EIF4G3: variants seen among roughly 807,000 people sequenced by gnomAD.
The protein encoded by EIF4G3 is eukaryotic translation initiation factor 4 gamma 3.
Under a neutral mutation model 186.4 loss-of-function variants are expected in EIF4G3, and 34 were observed. The ratio of observed to expected loss-of-function variants is 0.18; its 90% CI spans 0.14 to 0.24. The LOEUF (loss-of-function observed/expected upper bound fraction) is 0.24, where lower values mean the gene tolerates loss of function less well. Among genes scored for constraint, EIF4G3 ranks in the 10% least tolerant of loss-of-function variants. The pLI is 1.00. For missense variants in EIF4G3, 1,536 were observed against 1,948.5 expected (o/e 0.79, Z 3.99); for synonymous variants, 673 against 679.5 (o/e 0.99, Z 0.15).
intron 20 of EIF4G3, among the ~76,000 whole-genome samples, chr1:20,875,524 A>G (rs1467537454): frequency 6.6e-6 from 1 of 152,242 alleles, no homozygotes; most frequent in Non-Finnish European, 1.5e-5. Flanking sequence ...TACATCATTA[A>G]ATTTGGCAAA....
chr1:20,886,781 AT>A (rs2084307193), intron 18 of EIF4G3, among the ~76,000 whole-genome samples: 1 of 152,156 alleles, frequency 6.6e-6, no homozygotes, highest in African/African-American at 2.4e-5. Flanking sequence ...TAAAATGCAA[AT>A]TTAATATCAT....
intron 19 of EIF4G3, among the ~76,000 whole-genome samples, chr1:20,885,726 C>T (rs1208463879): frequency 1.3e-5 from 2 of 152,144 alleles, no homozygotes; most frequent in African/African-American, 4.8e-5. Context: ...AATTTATCCT[C>T]ATAGTTCTGA....
intron 2 of EIF4G3, among the ~76,000 whole-genome samples, chr1:21,105,784 T>C (rs1453357147): frequency 6.6e-6 from 1 of 152,054 alleles, no homozygotes; most frequent in Non-Finnish European, 1.5e-5. Flanking sequence ...TAAGAGTGGT[T>C]GGGCACAGAG....
intron 2 of EIF4G3, among the ~76,000 whole-genome samples, chr1:21,164,103 C>T (rs921222520): frequency 1.3e-5 from 2 of 152,076 alleles, no homozygotes; most frequent in Non-Finnish European, 2.9e-5. Flanking sequence ...ATAACATATA[C>T]ATTAGAATAG....
In EIF4G3 at chr1:21,176,225, G is replaced by C. The variant is rs1366450568; in HGVS notation, c.-322C>G. 1 of 415,010 alleles carries C rather than the reference G, an allele frequency of 2.4e-6. No homozygotes were observed. The highest frequency in any genetic ancestry group is 4.2e-6 in the Non-Finnish European group (1 of 240,238). The allele number at this position is 415,010 out of a possible 1,614,324, so 25.7% of individuals were successfully genotyped here. On this transcript the variant is annotated 5_prime_UTR_variant, in exon 2 of 37. Transcript: ENST00000602326. ...CCCTGATGTTCGGGTGAGGAGGGGG[G>C]ACCGCTGCCGCCGCCGCCGCCGCCG...
chr1:21,068,412 A>T (rs1045221956), intron 3 of EIF4G3, among the ~76,000 whole-genome samples: 2 of 149,974 alleles, frequency 1.3e-5, no homozygotes, highest in Non-Finnish European at 3.0e-5. Context: ...AGAATACTTC[A>T]CATGAACTTG....
chr1:21,154,318 TA>T (rs1271395340), intron 2 of EIF4G3, among the ~76,000 whole-genome samples: 2 of 152,206 alleles, frequency 1.3e-5, no homozygotes, highest in African/African-American at 4.8e-5. Flanking sequence ...GTATTTTTTT[TA>T]ATCACAAAAT....
intron 3 of EIF4G3, among the ~76,000 whole-genome samples, chr1:21,057,166 C>G (rs987011773): frequency 5.3e-5 from 8 of 152,084 alleles, no homozygotes; most frequent in Admixed American, 3.9e-4. Flanking sequence ...CCTAGGTATA[C>G]CTCTGGTTGA....
intron 24 of EIF4G3, among the ~76,000 whole-genome samples, chr1:20,857,752 G>T (rs1308516281): frequency 6.6e-6 from 1 of 152,170 alleles, no homozygotes; most frequent in African/African-American, 2.4e-5. Flanking sequence ...ACAAACAACT[G>T]ACACAAATGA....
intron 2 of EIF4G3, among the ~76,000 whole-genome samples, chr1:21,141,008 AATTAT>A (rs1317631863): frequency 3.3e-5 from 5 of 152,184 alleles, no homozygotes; most frequent in Admixed American, 1.3e-4. Context: ...TAAATGAGAA[AATTAT>A]ATTATAATCA....
intron 17 of EIF4G3, among the ~76,000 whole-genome samples, chr1:20,894,527 T>C (rs2087249777): frequency 6.6e-6 from 1 of 152,244 alleles, no homozygotes; most frequent in Non-Finnish European, 1.5e-5. Context: ...CTAACCCATT[T>C]ATGCCGGAGG....
intron 2 of EIF4G3, among the ~76,000 whole-genome samples, chr1:21,100,618 C>T (rs557480138): frequency 3.1e-4 from 47 of 152,108 alleles, no homozygotes; most frequent in Non-Finnish European, 5.9e-4. Flanking sequence ...GTCCCAACTA[C>T]TCAGGAGTCT....
At chr1:20,906,487 C>T (rs1044930904) in intron 14 of EIF4G3, among the ~76,000 whole-genome samples, 11 of 152,062 alleles carry the variant, frequency 7.2e-5, no homozygotes, top group African/African-American at 2.4e-4. Context: ...AGAGGAAGAA[C>T]AATTTTTTGG....
chr1:20,904,057 T>C (rs2091330261), intron 15 of EIF4G3, among the ~76,000 whole-genome samples: 1 of 152,232 alleles, frequency 6.6e-6, no homozygotes, highest in Non-Finnish European at 1.5e-5. Context: ...TTGTCCTTTT[T>C]CTTCCTCACA....
chr1:21,048,417 A>G (rs1012293030), intron 4 of EIF4G3, among the ~76,000 whole-genome samples: 9 of 152,150 alleles, frequency 5.9e-5, no homozygotes, highest in African/African-American at 2.2e-4. Context: ...TTGTCAGTAG[A>G]AGGCTCTAGA....
intron 11 of EIF4G3, 147 bp from the exon 12 acceptor site, chr1:20,969,743 G>T: frequency 1.5e-6 from 1 of 687,844 alleles, no homozygotes; most frequent in Non-Finnish European, 2.4e-6. Context: ...TTCAATCACA[G>T]ATCCATCAGA....
intron 3 of EIF4G3, among the ~76,000 whole-genome samples, chr1:21,084,305 A>G (rs898328828): frequency 2.6e-5 from 4 of 152,128 alleles, no homozygotes; most frequent in African/African-American, 9.7e-5. Flanking sequence ...GGAAGCCCCA[A>G]GAAACTTACA....
chr1:20,918,022 C>T (rs2094092907), intron 14 of EIF4G3, among the ~76,000 whole-genome samples: 1 of 152,008 alleles, frequency 6.6e-6, no homozygotes, highest in Non-Finnish European at 1.5e-5. Context: ...CTCCTAATTT[C>T]TGTTGCCTTT....
At position 21,099,167 on chromosome 1, in the gene EIF4G3, G is replaced by A. The variant is rs138602152; in HGVS notation, c.-271-9954C>T. Among the ~76,000 whole-genome samples the A allele has an allele frequency of 5.3e-4, 80 of 152,318 alleles. No homozygotes were observed. The East Asian group carries it at 0.014, about 26-fold the overall frequency. ...CAACTGGAAATCTCACACGTTGGTA[G>A]AGTGCAAAATGGTATAGTCACTTTG... On this transcript the variant is annotated intron_variant, in intron 2 of 36. Transcript: ENST00000602326.
Sources: allele counts gnomAD v4.1 joint callset (sites outside exome capture counted in the v4.1 genomes callset), GRCh38; gene constraint gnomAD v4.1.1; transcripts MANE v1.5; gene names NCBI Gene and HGNC (gene_info 2026-07-23, HGNC 2026-07-21).